KLHDC8B: variants seen among roughly 807,000 people sequenced by gnomAD.
The protein encoded by KLHDC8B is kelch domain-containing protein 8B.
A neutral mutation model predicts 26.3 loss-of-function variants in KLHDC8B; 19 were observed. The ratio of observed to expected loss-of-function variants is 0.72; its 90% CI spans 0.50 to 1.06. KLHDC8B has a LOEUF of 1.06. Ranked by LOEUF, KLHDC8B falls within the 50% of genes least tolerant of loss-of-function variation. KLHDC8B has a pLI of 0.00. For synonymous variants in KLHDC8B, 150 were observed against 188.4 expected (o/e 0.80, Z 1.67); for missense variants, 411 against 488.1 (o/e 0.84, Z 1.49).
chr3:49,174,088 C>T, intron 2 of KLHDC8B, 151 bp from the exon 3 acceptor site: 2 of 529,828 alleles, frequency 3.8e-6, no homozygotes, highest in South Asian at 3.2e-5. Flanking sequence ...TCCCAGCCCC[C>T]ACTGCAGGCA....
chr3:49,172,063 G>A (rs547967033), intron 1 of KLHDC8B, among the ~76,000 whole-genome samples: 2 of 152,332 alleles, frequency 1.3e-5, no homozygotes, highest in African/African-American at 4.8e-5. Context: ...AGAGGAGAGT[G>A]TGGAACCCTG....
At chr3:49,174,083 GC>G in intron 2 of KLHDC8B, 155 bp from the exon 3 acceptor site, 3 of 522,774 alleles carry the variant, frequency 5.7e-6, no homozygotes, top group Non-Finnish European at 6.7e-6. Context: ...AGATCTCCCA[GC>G]CCCCACTGCA....
At position 49,175,110 on chromosome 3, in the gene KLHDC8B, C is replaced by T; in HGVS notation, c.815C>T (p.Ala272Val). The T allele has an allele frequency of 6.2e-7, 1 of 1,614,132 alleles. No homozygotes were observed. Among genetic ancestry groups the T allele is most frequent in the Non-Finnish European group, 8.5e-7 (1 of 1,180,020 alleles). The change falls in exon 5 of 6, where the codon GCA becomes GTA. Residue 272 changes from alanine (A) to valine (V), a missense_variant. Coordinates refer to ENST00000332780, the MANE Select transcript of KLHDC8B (RefSeq NM_173546.3). ...PRSLRMRDKR[A>V]DFVVGSLGGH... ...AGCCTGCGCATGAGGGATAAGAGGG[C>T]AGACTTTGTGGTTGGGTCCCTTGGG...
rs756327324 is a variant in KLHDC8B, at chr3:49,175,891, G to A, written c.*90G>A. The A allele has an allele frequency of 1.5e-6, 2 of 1,315,672 alleles. No homozygotes were observed. The highest frequency in any genetic ancestry group is 2.5e-5 in the South Asian group (2 of 81,622). 81.5% of individuals were successfully genotyped at this position (1,315,672 alleles called of 1,614,324 possible). ...TTTGCTGCTGAGGACACTCACTGTG[G>A]CTCTGTGGGATGAGAGAGGCATGGG... On this transcript the variant is annotated 3_prime_UTR_variant, in exon 6 of 6. Transcript: ENST00000332780.
At chr3:49,174,041 C>G in intron 2 of KLHDC8B, 198 bp from the exon 3 acceptor site, 1 of 467,470 alleles carries the variant, frequency 2.1e-6, no homozygotes, top group Non-Finnish European at 3.7e-6. Flanking sequence ...CTGCTCTTTA[C>G]TCGGAGGGGC....
In KLHDC8B at chr3:49,174,404, G is replaced by A. The variant is rs781209720; in HGVS notation, c.541+1G>A. ...CACGGGAACAAGATCTATGTCCTGG[G>A]TAAGGGCCTGGGGAATGTGGGAAGG... On this transcript the variant is annotated splice_donor_variant, in intron 3 of 5. Transcript: ENST00000332780. LOFTEE classifies it high-confidence loss of function. 2 of 1,611,322 alleles carry A rather than the reference G, an allele frequency of 1.2e-6. No homozygotes were observed. Among genetic ancestry groups the A allele is most frequent in the Admixed American group, 3.3e-5 (2 of 59,860 alleles).
chr3:49,175,739 G>A lies in KLHDC8B; in HGVS notation c.1003G>A (p.Gly335Arg). ...GGCTGGGCCCCGGCTGTTTGTTATT[G>A]GGGGTGTGGCCCAGGGCCCCAGTCA... Reference protein sequence around the residue: ...LQAGPRLFVIGGVAQGPSQAV... With the variant: ...LQAGPRLFVIRGVAQGPSQAV... Residue 335 changes from glycine to arginine, a missense_variant, in exon 6 of 6, where the codon GGG becomes AGG. Physicochemically the swap from Gly to Arg is moderately radical, Grantham distance 125 (BLOSUM62 -2). Coordinates refer to ENST00000332780, the MANE Select transcript of KLHDC8B (RefSeq NM_173546.3). 6.2e-7 allele frequency: 1 copy of A among 1,614,004 alleles called. No individual in the cohort carries two copies. Among genetic ancestry groups the A allele is most frequent in the East Asian group, 2.2e-5 (1 of 44,892 alleles).
chr3:49,172,539 T>G, intron 1 of KLHDC8B, 97 bp from the exon 2 acceptor site: 1 of 554,060 alleles, frequency 1.8e-6, no homozygotes, highest in East Asian at 2.9e-5. Context: ...TTCCCACCAG[T>G]GATTTTGGGC....
chr3:49,174,447 A>G, intron 3 of KLHDC8B, 44 bp downstream of exon 3: 1 of 1,572,338 alleles, frequency 6.4e-7, no homozygotes, highest in South Asian at 1.1e-5. Flanking sequence ...GAGTCTAGAA[A>G]TCCTCATCCT....
chr3:49,172,256 C>T (rs1041991855), intron 1 of KLHDC8B, among the ~76,000 whole-genome samples: 2 of 152,156 alleles, frequency 1.3e-5, no homozygotes, highest in Non-Finnish European at 1.5e-5. Flanking sequence ...CCAGTAAGGA[C>T]TCCCCTCATG....
Position 49,172,657 on chromosome 3 carries a change from T to C in KLHDC8B, c.-113T>C, listed in dbSNP as rs1406319593. 2 of 1,074,776 alleles carry C rather than the reference T, an allele frequency of 1.9e-6. No homozygotes were observed. Among genetic ancestry groups the C allele is most frequent in the Non-Finnish European group, 2.7e-6 (2 of 748,688 alleles). 66.6% of individuals were successfully genotyped at this position (1,074,776 alleles called of 1,614,324 possible). ...CCAGGTGAAGGCAAGGTCCCTGGAC[T>C]GGTCATATACCTCTTGTGGCCCTGG... On this transcript the variant is annotated 5_prime_UTR_variant, in exon 2 of 6. Coordinates refer to ENST00000332780, the MANE Select transcript of KLHDC8B (RefSeq NM_173546.3).
chr3:49,172,685 G>A lies in KLHDC8B; in HGVS notation c.-85G>A. The A allele has an allele frequency of 7.1e-7, 1 of 1,411,196 alleles. No homozygotes were observed. Among genetic ancestry groups the A allele is most frequent in the Non-Finnish European group, 9.7e-7 (1 of 1,035,374 alleles). 87.4% of individuals were successfully genotyped at this position (1,411,196 alleles called of 1,614,324 possible). ...TCATATACCTCTTGTGGCCCTGGCA[G>A]AATCAAGATGAGGCCCTGTCATGCC... On this transcript the variant is annotated 5_prime_UTR_variant, in exon 2 of 6. Coordinates refer to ENST00000332780, the MANE Select transcript of KLHDC8B (RefSeq NM_173546.3).
intron 1 of KLHDC8B, among the ~76,000 whole-genome samples, chr3:49,171,959 C>G (rs1301502569): frequency 2.0e-5 from 3 of 152,202 alleles, no homozygotes; most frequent in Non-Finnish European, 4.4e-5. Flanking sequence ...TGAGATTTCT[C>G]CAACGGCCCC....
rs149050663 is a variant in KLHDC8B, at chr3:49,172,960, C to A, written c.191C>A (p.Pro64His). Residue 64 changes from proline to histidine, a missense_variant, in exon 2 of 6, where the codon CCC becomes CAC. By Grantham distance (77) the Pro-to-His change is moderately conservative. Transcript: ENST00000332780. ...MASHTWLALA[P>H]LPTARAGAAA... ...TCGCACACATGGCTGGCACTGGCACCCCTGCCCACTGCCCGGGCTGGTGCA... is the reference window on the plus strand; with the variant it reads ...TCGCACACATGGCTGGCACTGGCACACCTGCCCACTGCCCGGGCTGGTGCA... 1 of 1,613,964 alleles carries A rather than the reference C, an allele frequency of 6.2e-7. No homozygotes were observed. The highest frequency in any genetic ancestry group is 1.1e-5 in the South Asian group (1 of 91,088).
In KLHDC8B at chr3:49,175,138, C is replaced by T. The variant is rs761784731; in HGVS notation, c.843C>T (p.Gly281=). The part of the protein sequence containing the change: ...RADFVVGSLG[G]HIVAIGGLGN... ...ACTTTGTGGTTGGGTCCCTTGGGGGCCACATTGTGGCCATTGGGGGCCTTG... is the reference window on the plus strand; with the variant it reads ...ACTTTGTGGTTGGGTCCCTTGGGGGTCACATTGTGGCCATTGGGGGCCTTG... The change falls in exon 5 of 6, where the codon GGC becomes GGT. Residue 281 remains glycine (G), a synonymous_variant. Transcript: ENST00000332780. The T allele has an allele frequency of 1.9e-6, 3 of 1,614,068 alleles. No homozygotes were observed. The South Asian group carries it at 3.3e-5, about 18-fold the overall frequency.
chr3:49,174,628 A>G (rs2045804203), intron 3 of KLHDC8B, 114 bp from the exon 4 acceptor site: 2 of 1,377,682 alleles, frequency 1.5e-6, no homozygotes, highest in Admixed American at 2.6e-5. Flanking sequence ...TTCATGTGCA[A>G]GTGTGCACAC....
Position 49,174,300 on chromosome 3 carries a change from T to C in KLHDC8B, c.438T>C (p.Arg146=). The C allele has an allele frequency of 6.2e-7, 1 of 1,613,776 alleles. No individual in the cohort carries two copies. The highest frequency in any genetic ancestry group is 1.1e-5 in the South Asian group (1 of 91,068). Residue 146 remains arginine, a synonymous_variant, in exon 3 of 6, where the codon CGT becomes CGC. Transcript: ENST00000332780. The part of the protein sequence containing the change: ...GPDTAPQAQV[R]VYEPRRDCWL... ...ACACGGCCCCCCAGGCCCAGGTACG[T>C]GTGTATGAGCCCCGTCGGGACTGCT...
chr3:49,175,870 C>A lies in KLHDC8B; in HGVS notation c.*69C>A, dbSNP rs767473553. ...GCAGCTATTTCTATGGCTCCTTTTG[C>A]TGCTGAGGACACTCACTGTGGCTCT... On this transcript the variant is annotated 3_prime_UTR_variant, in exon 6 of 6. Transcript: ENST00000332780. 2 of 1,463,168 alleles carry A rather than the reference C, an allele frequency of 1.4e-6. No individual in the cohort carries two copies. The highest frequency in any genetic ancestry group is 1.4e-5 in the African/African-American group (1 of 72,154). The allele number at this position is 1,463,168 out of a possible 1,614,324, so 90.6% of individuals were successfully genotyped here.
Position 49,172,789 on chromosome 3 carries a change from G to C in KLHDC8B, c.20G>C (p.Arg7Pro). Reference protein sequence around the residue: MSAGGGRAFAWQVFPPM... With the variant: MSAGGGPAFAWQVFPPM... ...AACACCATGTCTGCAGGAGGTGGCC[G>C]GGCCTTTGCTTGGCAAGTGTTCCCC... The change falls in exon 2 of 6, where the codon CGG (arginine) becomes CCG (proline). Residue 7 changes from arginine (R) to proline (P), a missense_variant. Arg to Pro is a moderately radical substitution (Grantham distance 103). Transcript: ENST00000332780. 6.2e-7 allele frequency: 1 copy of C among 1,613,098 alleles called. No individual in the cohort carries two copies. Among genetic ancestry groups the C allele is most frequent in the Non-Finnish European group, 8.5e-7 (1 of 1,179,508 alleles).
Sources: allele counts gnomAD v4.1 joint callset (sites outside exome capture counted in the v4.1 genomes callset), GRCh38; gene constraint gnomAD v4.1.1; transcripts MANE v1.5; gene names NCBI Gene and HGNC (gene_info 2026-07-23, HGNC 2026-07-21).